The following KCNN2 variants were observed in gnomAD, a reference collection of about 807,000 sequenced individuals.
The protein encoded by KCNN2 is potassium calcium-activated channel subfamily N member 2.
Under a neutral mutation model 55.5 loss-of-function variants are expected in KCNN2, and 24 were observed. That is an observed-to-expected ratio of 0.43 (90% CI 0.31 to 0.61). The LOEUF is 0.61. KCNN2 is among the 20% of genes least tolerant of loss of function. KCNN2 has a pLI of 0.08. For missense variants in KCNN2, 754 were observed against 853.6 expected (o/e 0.88, Z 1.45); for synonymous variants, 431 against 336.1 (o/e 1.28, Z -3.09).
intron 1 of KCNN2, among the ~76,000 whole-genome samples, chr5:114,171,543 A>C (rs566206542): frequency 6.6e-6 from 1 of 151,866 alleles, no homozygotes; most frequent in Non-Finnish European, 1.5e-5. Flanking sequence ...ACACAGACCC[A>C]CAGTATATGT....
At chr5:114,484,207 C>G (rs540116383) in intron 5 of KCNN2, among the ~76,000 whole-genome samples, 5 of 152,046 alleles carry the variant, frequency 3.3e-5, no homozygotes, top group African/African-American at 1.2e-4. Context: ...TGATATGACC[C>G]CTGAGAGTTT....
intron 2 of KCNN2, among the ~76,000 whole-genome samples, chr5:114,234,983 G>T (rs906393793): frequency 5.9e-5 from 9 of 152,056 alleles, no homozygotes; most frequent in Non-Finnish European, 1.0e-4. Flanking sequence ...CTGTTTTGGG[G>T]GCTATGGGAA....
At chr5:114,227,426 A>G (rs1365798258) in intron 2 of KCNN2, among the ~76,000 whole-genome samples, 2 of 152,180 alleles carry the variant, frequency 1.3e-5, no homozygotes, top group African/African-American at 2.4e-5. Flanking sequence ...CATGCCCTAA[A>G]GTACCCCGTA....
chr5:114,375,029 A>G (rs1226190321), intron 2 of KCNN2, among the ~76,000 whole-genome samples: 1 of 152,180 alleles, frequency 6.6e-6, no homozygotes, highest in Admixed American at 6.6e-5. Context: ...ACAAAGACAT[A>G]CTGATTTTTC....
rs370953459 is a variant in KCNN2 at position 114,430,067 on chromosome 5, C to G, written c.1637+25211C>G. 1.1e-3 allele frequency among the ~76,000 whole-genome samples: 169 copies of G among 152,128 alleles called. 3 individuals carry two copies. In the South Asian group the frequency reaches 0.034, roughly 31 times the overall value. ...CTCGAAGTCAAATAGTGTTATTCCT[C>G]TAAACTTATTCTTCTCCTTCAAAAT... On this transcript the variant is annotated intron_variant, in intron 3 of 7. Coordinates refer to ENST00000673685, the MANE Select transcript of KCNN2 (RefSeq NM_021614.4).
At chr5:114,214,053 A>G (rs913965614) in intron 1 of KCNN2, among the ~76,000 whole-genome samples, 1 of 152,086 alleles carries the variant, frequency 6.6e-6, no homozygotes, top group Admixed American at 6.6e-5. Context: ...GCCCCAATTT[A>G]TAGATGAGAA....
chr5:114,340,447 G>A (rs961004171), intron 2 of KCNN2, among the ~76,000 whole-genome samples: 7 of 151,920 alleles, frequency 4.6e-5, no homozygotes, highest in Admixed American at 1.3e-4. Context: ...CACACACATA[G>A]ACACACACAT....
intron 2 of KCNN2, among the ~76,000 whole-genome samples, chr5:114,334,132 C>A (rs939958600): frequency 6.6e-6 from 1 of 152,104 alleles, no homozygotes; most frequent in African/African-American, 2.4e-5. Flanking sequence ...CTGGGCCAGT[C>A]TTTTTACCAA....
At position 114,177,551 on chromosome 5, in the gene KCNN2, A is replaced by G. The variant is rs369842470; in HGVS notation, c.-270-43929A>G. On this transcript the variant is annotated intron_variant, in intron 1 of 10. Transcript: ENST00000512097. ...CTTGGGGGACTTGTGAAATTATTTC[A>G]TACAGTTGTTGGTGACCTAAGGTAA... Among the ~76,000 whole-genome samples, 6 of 151,930 alleles carry G rather than the reference A, an allele frequency of 3.9e-5. No individual in the cohort carries two copies. In the East Asian group the frequency reaches 1.2e-3, roughly 29 times the overall value.
intron 2 of KCNN2, among the ~76,000 whole-genome samples, chr5:114,231,583 G>C (rs574823810): frequency 6.6e-6 from 1 of 151,224 alleles, no homozygotes; most frequent in African/African-American, 2.5e-5. Context: ...GATGGTAGAT[G>C]ATACTGTGAT....
rs1754643531 is a variant in KCNN2, at chr5:114,241,800, ATATACGTATATATATATATGTGTG to A, written c.-185+20240_-185+20263del. On this transcript the variant is annotated intron_variant, in intron 2 of 10. Transcript: ENST00000512097. ...CATATATACGTATATATATGTATAT[ATATACGTATATATATATATGTGTG>A]TATATATATATATATATATATGGAG... Among the ~76,000 whole-genome samples the A allele has an allele frequency of 9.8e-5, 3 of 30,648 alleles. 1 individual carries two copies. Among genetic ancestry groups the A allele is most frequent in the Non-Finnish European group, 2.1e-4 (3 of 14,634 alleles). The allele number at this position is 30,648 out of a possible 152,430, so 20.1% of individuals were successfully genotyped here.
chr5:114,492,092 T>C (rs553820268), intron 6 of KCNN2, among the ~76,000 whole-genome samples: 33 of 152,236 alleles, frequency 2.2e-4, no homozygotes, highest in Admixed American at 1.1e-3. Flanking sequence ...CCTTAAACTG[T>C]TGTAGATTGT....
intron 1 of KCNN2, among the ~76,000 whole-genome samples, chr5:114,188,106 C>T (rs1753377198): frequency 6.6e-6 from 1 of 152,198 alleles, no homozygotes; most frequent in Non-Finnish European, 1.5e-5. Flanking sequence ...AGCCACTGAG[C>T]CCGGCCGTCT....
In KCNN2 at chr5:114,471,777, A is replaced by C. The variant is rs1347111362; in HGVS notation, c.1780-1277A>C. On this transcript the variant is annotated intron_variant, in intron 4 of 7. Coordinates refer to ENST00000673685, the MANE Select transcript of KCNN2 (RefSeq NM_021614.4). ...CAGGCTATTTAAGCCCTCTGGAAAT[A>C]TATTAAAGCAGTATTGGCTCATCAT... Among the ~76,000 whole-genome samples, 3 of 152,308 alleles carry C rather than the reference A, an allele frequency of 2.0e-5. No individual in the cohort carries two copies. The East Asian group carries it at 5.8e-4, about 29-fold the overall frequency.
chr5:114,296,630 A>G (rs1219986024), intron 2 of KCNN2, among the ~76,000 whole-genome samples: 1 of 152,218 alleles, frequency 6.6e-6, no homozygotes, highest in African/African-American at 2.4e-5. Flanking sequence ...AAGGGAGGCC[A>G]TAAGCACTAA....
chr5:114,406,024 T>A (rs1758922162), intron 3 of KCNN2, among the ~76,000 whole-genome samples: 2 of 151,448 alleles, frequency 1.3e-5, no homozygotes, highest in African/African-American at 4.9e-5. Context: ...ATTTTTTTTT[T>A]AAATTTGGCT....
rs1045932610 is a variant in KCNN2, at chr5:114,076,030, C to T, written c.-271+19530C>T. ...TCACTAGATTTAGAATAGTTTGTTACGCACCACTACTAATAGTTTGTTAGG... is the reference window on the plus strand; with the variant it reads ...TCACTAGATTTAGAATAGTTTGTTATGCACCACTACTAATAGTTTGTTAGG... On this transcript the variant is annotated intron_variant, in intron 1 of 10. Coordinates refer to the KCNN2 transcript ENST00000512097. Among the ~76,000 whole-genome samples, 19 of 152,332 alleles carry T rather than the reference C, an allele frequency of 1.2e-4. No individual in the cohort carries two copies. The South Asian group carries it at 1.7e-3, about 13-fold the overall frequency.
intron 1 of KCNN2, among the ~76,000 whole-genome samples, chr5:114,180,307 A>G (rs1403298319): frequency 6.6e-6 from 1 of 152,146 alleles, no homozygotes; most frequent in Non-Finnish European, 1.5e-5. Context: ...AACTGAAATT[A>G]CTGTATTTAA....
At position 114,079,863 on chromosome 5, in the gene KCNN2, G is replaced by C. The variant is rs867275350; in HGVS notation, c.-271+23363G>C. ...TGTGTGTGAGAGAGAGAGAGAGAGA[G>C]AGAGACAGAGAGACAGAGAAGGTGG... On this transcript the variant is annotated intron_variant, in intron 1 of 10. Transcript: ENST00000512097. Among the ~76,000 whole-genome samples the C allele has an allele frequency of 2.7e-5, 4 of 149,206 alleles. No homozygotes were observed. In the East Asian group the frequency reaches 7.8e-4, roughly 29 times the overall value.
Sources: gnomAD v4.1 joint callset for allele counts (sites outside exome capture counted in the v4.1 genomes callset) on GRCh38, gnomAD v4.1.1 for gene constraint, MANE v1.5 for transcripts, NCBI Gene and HGNC (gene_info 2026-07-23, HGNC 2026-07-21) for gene names.